STARD7: variants seen among roughly 807,000 people sequenced by gnomAD.
STARD7 encodes the protein StAR related lipid transfer domain containing 7.
Under a neutral mutation model 45.3 loss-of-function variants are expected in STARD7, and 30 were observed. That is an observed-to-expected ratio of 0.66 (90% CI 0.50 to 0.90). STARD7 has a LOEUF of 0.90. Ranked by LOEUF, STARD7 falls within the 40% of genes least tolerant of loss-of-function variation. The pLI is 0.00. For missense variants in STARD7, 495 were observed against 491.3 expected (o/e 1.01, Z -0.07); for synonymous variants, 199 against 183.0 (o/e 1.09, Z -0.70).
chr2:96,201,409 TAA>T (rs60808208), intron 1 of STARD7, among the ~76,000 whole-genome samples: 31 of 109,526 alleles, frequency 2.8e-4, no homozygotes, highest in Admixed American at 3.1e-4. Context: ...ACTCCACCTC[TAA>T]AAAAAAAAAA....
chr2:96,192,541 G>C, intron 5 of STARD7, 73 bp from the exon 6 acceptor site: 1 of 1,161,120 alleles, frequency 8.6e-7, no homozygotes, highest in Non-Finnish European at 1.3e-6. Flanking sequence ...CTAAGTTAAG[G>C]GGAAGGCCTA....
intron 1 of STARD7, among the ~76,000 whole-genome samples, chr2:96,198,636 A>T (rs1683259861): frequency 6.6e-6 from 1 of 152,146 alleles, no homozygotes. Context: ...GTATTTCCCT[A>T]ACCTTTTCAT....
intron 7 of STARD7, 54 bp from the exon 8 acceptor site, chr2:96,186,968 A>G (rs1468429499): frequency 1.3e-6 from 2 of 1,503,410 alleles, no homozygotes; most frequent in Non-Finnish European, 9.1e-7. Flanking sequence ...CAGTAGGCTC[A>G]AAATGAGAAG....
Position 96,208,271 on chromosome 2 carries a change from C to A in STARD7, c.164G>T (p.Arg55Leu). The part of the protein sequence containing the change: ...YGRLYSESSR[R>L]VLLGRLWRRL... The stretch of plus-strand genomic sequence containing the variant: ...GCGCCAGAGGCGGCCGAGGAGAACG[C>A]GGCGTGAGCTCTCGGAGTAGAGGCG... The change falls in exon 1 of 8, where the codon CGC becomes CTC. Residue 55 changes from arginine to leucine, a missense_variant. Around this residue, in one of 2 missense-constraint regions of STARD7, gnomAD observed 282 missense variants for 220.1 expected, o/e 1.28. Transcript: ENST00000337288. The A allele has an allele frequency of 1.2e-6, 2 of 1,611,562 alleles. No homozygotes were observed. Among genetic ancestry groups the A allele is most frequent in the Non-Finnish European group, 1.7e-6 (2 of 1,179,386 alleles).
At chr2:96,202,883 T>G (rs760438526) in intron 1 of STARD7, among the ~76,000 whole-genome samples, 3 of 152,180 alleles carry the variant, frequency 2.0e-5, no homozygotes, top group Admixed American at 6.5e-5. Flanking sequence ...ATAGGCAACA[T>G]TTTTTCATGA....
chr2:96,193,224 A>G lies in STARD7; in HGVS notation c.660+18T>C, dbSNP rs781033409. 6.2e-6 allele frequency: 10 copies of G among 1,606,544 alleles called. No homozygotes were observed. On this transcript the variant is annotated intron_variant, in intron 4 of 7. Coordinates refer to ENST00000337288, the MANE Select transcript of STARD7 (RefSeq NM_020151.4). ...CACAAACCTGGACAGAAATAAAATC[A>G]GAAGTAAAAATACTCACAGGAAAAT...
At chr2:96,203,158 C>A (rs1683333070) in intron 1 of STARD7, among the ~76,000 whole-genome samples, 1 of 152,194 alleles carries the variant, frequency 6.6e-6, no homozygotes, top group Non-Finnish European at 1.5e-5. Context: ...TACAGGAGCA[C>A]AAAGTCATTC....
chr2:96,201,870 A>G (rs1006654989), intron 1 of STARD7, among the ~76,000 whole-genome samples: 2 of 152,246 alleles, frequency 1.3e-5, no homozygotes, highest in Non-Finnish European at 2.9e-5. Flanking sequence ...TCCAAGATTA[A>G]AAGTTTAGAG....
At chr2:96,190,232 G>A (rs1049952615) in intron 6 of STARD7, among the ~76,000 whole-genome samples, 1 of 152,074 alleles carries the variant, frequency 6.6e-6, no homozygotes, top group African/African-American at 2.4e-5. Context: ...TCATGTCAAA[G>A]GGGCTTGAGC....
In STARD7 at chr2:96,186,861, T is replaced by C; in HGVS notation, c.982A>G (p.Met328Val). ...LHMATLKAKN[M>V]EIKVKDYISA... ...ATGTAGTCCTTTACTTTAATCTCCA[T>C]ATTCTTGGCTTTCAGAGTGGCCATG... The change falls in exon 8 of 8, where the codon ATG becomes GTG. Residue 328 changes from methionine (M) to valine (V), a missense_variant. Met to Val is a conservative substitution (Grantham distance 21). Transcript: ENST00000337288. 1.2e-6 allele frequency: 2 copies of C among 1,613,930 alleles called. No individual in the cohort carries two copies. The highest frequency in any genetic ancestry group is 1.7e-6 in the Non-Finnish European group (2 of 1,179,840).
Position 96,208,533 on chromosome 2 carries a change from A to G in STARD7, c.-99T>C. ...GCAGCGTCCCCCTAAATGGCCGGCC[A>G]CGAACCCGTCTCACGGTCCCGCGGC... is the stretch of plus-strand genomic sequence containing the variant. On this transcript the variant is annotated 5_prime_UTR_variant, in exon 1 of 8. Transcript: ENST00000337288. The G allele has an allele frequency of 9.0e-7, 1 of 1,116,252 alleles. No individual in the cohort carries two copies. The highest frequency in any genetic ancestry group is 4.2e-5 in the Admixed American group (1 of 23,862). 69.1% of individuals were successfully genotyped at this position (1,116,252 alleles called of 1,614,324 possible).
At chr2:96,207,994 TAAC>T (rs1683425125) in intron 1 of STARD7, 148 bp downstream of exon 1, 16 of 669,212 alleles carry the variant, frequency 2.4e-5, no homozygotes, top group Middle Eastern at 4.0e-4. Context: ...CAGAGACAAA[TAAC>T]AACGCGGTTT....
intron 6 of STARD7, among the ~76,000 whole-genome samples, chr2:96,189,159 G>A (rs961745432): frequency 2.0e-5 from 3 of 151,968 alleles, no homozygotes; most frequent in Admixed American, 6.6e-5. Context: ...GTGTTGCCCA[G>A]GCTGATCTCA....
At chr2:96,189,283 A>G (rs1476827114) in intron 6 of STARD7, among the ~76,000 whole-genome samples, 1 of 152,116 alleles carries the variant, frequency 6.6e-6, no homozygotes, top group East Asian at 1.9e-4. Context: ...TCCTAAACAG[A>G]AACATTGCAC....
Position 96,185,356 on chromosome 2 carries a change from C to G in STARD7, c.*1374G>C, listed in dbSNP as rs1415291354. On this transcript the variant is annotated 3_prime_UTR_variant, in exon 8 of 8. Transcript: ENST00000337288. ...TCAGGTTTAAACCACTTTTCAACAC[C>G]ACAAAACAGTAGCAAGCAGGAAAAC... 1 of 152,180 alleles carries G rather than the reference C, an allele frequency of 6.6e-6. No homozygotes were observed. The highest frequency in any genetic ancestry group is 2.4e-5 in the African/African-American group (1 of 41,310). 9.4% of individuals were successfully genotyped at this position (152,180 alleles called of 1,614,324 possible).
At chr2:96,206,800 CAAAAA>C (rs61417989) in intron 1 of STARD7, among the ~76,000 whole-genome samples, 6 of 49,488 alleles carry the variant, frequency 1.2e-4, no homozygotes, top group South Asian at 7.0e-4. Flanking sequence ...GACTCCGTCT[CAAAAA>C]AAAAAAAAAA....
At chr2:96,204,426 C>T (rs1274750962) in intron 1 of STARD7, among the ~76,000 whole-genome samples, 1 of 151,798 alleles carries the variant, frequency 6.6e-6, no homozygotes, top group Admixed American at 6.6e-5. Context: ...TGGTGGCAAG[C>T]ACCTGTAATC....
At chr2:96,187,816 G>A (rs1333274654) in intron 6 of STARD7, 2 of 152,362 alleles carry the variant, frequency 1.3e-5, no homozygotes, top group Non-Finnish European at 2.9e-5. Flanking sequence ...AAATTAACCG[G>A]CCATACTGGC....
rs1683029569 is a variant in STARD7, at chr2:96,185,975, C to T, written c.*755G>A. The stretch of plus-strand genomic sequence containing the variant: ...TAAATGGGGAAGGTTAGGAAGGAGG[C>T]AATGATCCAATGAATATAGAAGAAC... On this transcript the variant is annotated 3_prime_UTR_variant, in exon 8 of 8. Coordinates refer to ENST00000337288, the MANE Select transcript of STARD7 (RefSeq NM_020151.4). The T allele has an allele frequency of 6.6e-6, 1 of 152,048 alleles. No homozygotes were observed. Among genetic ancestry groups the T allele is most frequent in the Non-Finnish European group, 1.5e-5 (1 of 68,020 alleles). 9.4% of individuals were successfully genotyped at this position (152,048 alleles called of 1,614,324 possible).
Sources: allele counts gnomAD v4.1 joint callset (sites outside exome capture counted in the v4.1 genomes callset), GRCh38; gene constraint gnomAD v4.1.1; regional missense constraint gnomAD v4.1.1; transcripts MANE v1.5; gene names NCBI Gene and HGNC (gene_info 2026-07-23, HGNC 2026-07-21).